The following SPTBN1 variants were observed in gnomAD, a reference collection of about 807,000 sequenced individuals.
The protein encoded by SPTBN1 is spectrin beta, non-erythrocytic 1.
SPTBN1 carries 32 observed loss-of-function variants against 266.4 expected under a neutral mutation model. The observed-to-expected ratio is 0.12, with a 90% CI of 0.09 to 0.16. SPTBN1 has a LOEUF of 0.16. Among genes scored for constraint, SPTBN1 ranks in the 10% least tolerant of loss-of-function variants. The probability of loss-of-function intolerance (pLI) is 1.00; values close to 1 mark genes in which losing one functional copy is unlikely to be tolerated. For missense variants in SPTBN1, 2,296 were observed against 3,067.1 expected (o/e 0.75, Z 5.94); for synonymous variants, 1,336 against 1,162.2 (o/e 1.15, Z -3.04).
At chr2:54,572,980 C>G (rs1013241947) in intron 2 of SPTBN1, among the ~76,000 whole-genome samples, 2 of 152,148 alleles carry the variant, frequency 1.3e-5, no homozygotes, top group Non-Finnish European at 2.9e-5. Flanking sequence ...TTTGCCACAG[C>G]GTGCTGGGAA....
intron 1 of SPTBN1, among the ~76,000 whole-genome samples, chr2:54,477,919 A>T (rs529435329): frequency 6.6e-6 from 1 of 152,190 alleles, no homozygotes; most frequent in South Asian, 2.1e-4. Context: ...TCAAAAAAAA[A>T]AAGACTGGTA....
At chr2:54,522,698 AGAAAGAAAGAAAG>A in intron 1 of SPTBN1, among the ~76,000 whole-genome samples, 2 of 82,334 alleles carry the variant, frequency 2.4e-5, no homozygotes, top group Non-Finnish European at 5.3e-5. Context: ...AGAGAGAGAG[AGAAAGAAAGAAAG>A]GAAAGAAAGA....
intron 32 of SPTBN1, chr2:54,660,572 T>G: frequency 1.0e-6 from 1 of 985,606 alleles, no homozygotes; most frequent in South Asian, 4.7e-5. Context: ...TGTGTAACAT[T>G]CCATGAAAGA....
chr2:54,531,479 A>G (rs1671235085), intron 2 of SPTBN1, among the ~76,000 whole-genome samples: 1 of 152,134 alleles, frequency 6.6e-6, no homozygotes, highest in Non-Finnish European at 1.5e-5. Context: ...GCTAGAGTAC[A>G]GTGGTAGAGT....
chr2:54,599,032 A>C, intron 2 of SPTBN1, 60 bp from the exon 3 acceptor site: 1 of 1,585,028 alleles, frequency 6.3e-7, no homozygotes, highest in Non-Finnish European at 8.6e-7. Context: ...CCCTGCTAGC[A>C]TGTGCCTGCT....
intron 2 of SPTBN1, among the ~76,000 whole-genome samples, chr2:54,588,527 G>A (rs1344404834): frequency 1.3e-5 from 2 of 152,150 alleles, no homozygotes; most frequent in Non-Finnish European, 2.9e-5. Flanking sequence ...GTGTTTATTT[G>A]CTAGCAGCAT....
chr2:54,457,165 C>T (rs1207537914), intron 1 of SPTBN1: 1 of 144,042 alleles, frequency 6.9e-6, no homozygotes, highest in East Asian at 2.2e-4. Context: ...CCCCCCCCCG[C>T]CCTTTCTGCC....
In SPTBN1 at chr2:54,483,953, G is replaced by A. The variant is rs116449030; in HGVS notation, c.-48+27435G>A. Among the ~76,000 whole-genome samples, 933 of 152,208 alleles carry A rather than the reference G, an allele frequency of 6.1e-3. 9 individuals are homozygous for A. The highest frequency in any genetic ancestry group is 0.021 in the African/African-American group (880 of 41,524). ...CTCATGCCTGTAATTCTAGCACTTT[G>A]GGGGGCTGAGGCAGTCAGATCACCT... On this transcript the variant is annotated intron_variant, in intron 1 of 35. Coordinates refer to ENST00000356805, the MANE Select transcript of SPTBN1 (RefSeq NM_003128.3).
Position 54,618,129 on chromosome 2 carries a change from C to T in SPTBN1, c.699C>T (p.Asn233=), listed in dbSNP as rs139984563. 3.7e-4 allele frequency: 603 copies of T among 1,614,198 alleles called. 1 individual carries two copies. The highest frequency in any genetic ancestry group is 4.7e-4 in the Non-Finnish European group (560 of 1,180,018). Residue 233 remains asparagine, a synonymous_variant, in exon 7 of 36, where the codon AAC becomes AAT. Coordinates refer to ENST00000356805, the MANE Select transcript of SPTBN1 (RefSeq NM_003128.3). ...DKLKKSNAHY[N]LQNAFNLAEQ... is the part of the protein sequence containing the mutation. ...TAAAGAAATCTAACGCACACTACAACCTGCAGAATGCATTTAATCTGGCAG... is the reference window on the plus strand; with the variant it reads ...TAAAGAAATCTAACGCACACTACAATCTGCAGAATGCATTTAATCTGGCAG...
At chr2:54,662,072 G>T (rs1335567030) in intron 32 of SPTBN1, 4 of 985,366 alleles carry the variant, frequency 4.1e-6, no homozygotes, top group Non-Finnish European at 4.8e-6. Context: ...TAGTTGTCAC[G>T]TTGCATTCAT....
chr2:54,458,558 A>G (rs1693193272), intron 1 of SPTBN1, among the ~76,000 whole-genome samples: 2 of 152,108 alleles, frequency 1.3e-5, no homozygotes, highest in African/African-American at 2.4e-5. Context: ...TTGTATACAT[A>G]TTTTTCACAG....
chr2:54,474,503 C>T (rs1206528779), intron 1 of SPTBN1, among the ~76,000 whole-genome samples: 1 of 151,894 alleles, frequency 6.6e-6, no homozygotes, highest in Non-Finnish European at 1.5e-5. Flanking sequence ...TAGTACAGAC[C>T]ATATAGGGTT....
chr2:54,622,718 C>G (rs759456350), intron 9 of SPTBN1, among the ~76,000 whole-genome samples: 1 of 152,104 alleles, frequency 6.6e-6, no homozygotes, highest in Non-Finnish European at 1.5e-5. Flanking sequence ...TATGAGAATT[C>G]CAAGAAATGG....
chr2:54,659,192 G>A lies in SPTBN1; in HGVS notation c.6282G>A (p.Glu2094=), dbSNP rs375055223. The change falls in exon 31 of 36, where the codon GAG becomes GAA. Residue 2094 remains glutamate (E), a synonymous_variant. Coordinates refer to ENST00000356805, the MANE Select transcript of SPTBN1 (RefSeq NM_003128.3). The part of the protein sequence containing the change: ...LLEVRRQQEE[E]ERKRRPPSPE... ...AAGTGCGCAGACAGCAAGAGGAAGAGGAGAGGAAGAGGCGGCCGCCTTCTC... is the reference window on the plus strand; with the variant it reads ...AAGTGCGCAGACAGCAAGAGGAAGAAGAGAGGAAGAGGCGGCCGCCTTCTC... 6.8e-6 allele frequency: 11 copies of A among 1,614,030 alleles called. No individual in the cohort carries two copies. The highest frequency in any genetic ancestry group is 9.3e-6 in the Non-Finnish European group (11 of 1,180,020).
chr2:54,611,868 C>A lies in SPTBN1; in HGVS notation c.301-293C>A, dbSNP rs988760623. Among the ~76,000 whole-genome samples the A allele has an allele frequency of 3.3e-5, 5 of 152,188 alleles. No homozygotes were observed. The South Asian group carries it at 1.0e-3, about 32-fold the overall frequency. On this transcript the variant is annotated intron_variant, in intron 3 of 35. Coordinates refer to ENST00000356805, the MANE Select transcript of SPTBN1 (RefSeq NM_003128.3). ...TGGCAGCAGTAGCGCTGAAATTCTC[C>A]ATGAAAATTGGATTCTCTCTTCCCT...
chr2:54,660,468 G>A, intron 32 of SPTBN1: 2 of 994,704 alleles, frequency 2.0e-6, no homozygotes, highest in Non-Finnish European at 2.4e-6. Context: ...CGCCTTTACA[G>A]ATGTTATTAA....
chr2:54,593,264 C>G (rs996182401), intron 2 of SPTBN1, among the ~76,000 whole-genome samples: 1 of 152,006 alleles, frequency 6.6e-6, no homozygotes, highest in Non-Finnish European at 1.5e-5. Context: ...TCTCGGGGCT[C>G]CAAGGTCATT....
chr2:54,578,052 C>T (rs1674608779), intron 2 of SPTBN1, among the ~76,000 whole-genome samples: 1 of 152,142 alleles, frequency 6.6e-6, no homozygotes, highest in African/African-American at 2.4e-5. Flanking sequence ...TTTGGAGATT[C>T]CAGACTATAA....
At position 54,628,914 on chromosome 2, in the gene SPTBN1, C is replaced by A; in HGVS notation, c.1799-19C>A. The A allele has an allele frequency of 6.4e-7, 1 of 1,562,556 alleles. No individual in the cohort carries two copies. On this transcript the variant is annotated intron_variant, in intron 13 of 35. Coordinates refer to ENST00000356805, the MANE Select transcript of SPTBN1 (RefSeq NM_003128.3). The surrounding 1 kb of genome is among the most constrained non-coding windows in gnomAD (Gnocchi z 4.3). ...TGAGCTCCCTCACACAGCCACGTTCCTTCCTTGATGTTAAACAGGTTACAA... is the reference window on the plus strand; with the variant it reads ...TGAGCTCCCTCACACAGCCACGTTCATTCCTTGATGTTAAACAGGTTACAA...
Sources: allele counts gnomAD v4.1 joint callset (sites outside exome capture counted in the v4.1 genomes callset), GRCh38; gene constraint gnomAD v4.1.1; non-coding constraint Gnocchi (gnomAD v3.1); transcripts MANE v1.5; gene names NCBI Gene and HGNC (gene_info 2026-07-23, HGNC 2026-07-21).